The following CCBE1 variants were observed in gnomAD, a reference collection of about 807,000 sequenced individuals.
The protein encoded by CCBE1 is collagen and calcium-binding EGF domain-containing protein 1.
A neutral mutation model predicts 50.0 loss-of-function variants in CCBE1; 37 were observed. The observed-to-expected ratio is 0.74, with a 90% CI of 0.57 to 0.97. The LOEUF (loss-of-function observed/expected upper bound fraction) is 0.97, where lower values mean the gene tolerates loss of function less well. Among genes scored for constraint, CCBE1 ranks in the 50% least tolerant of loss-of-function variants. CCBE1 has a pLI of 0.00. For synonymous variants in CCBE1, 234 were observed against 203.7 expected (o/e 1.15, Z -1.27); for missense variants, 538 against 523.8 (o/e 1.03, Z -0.26).
rs1910112133 is a variant in CCBE1, at chr18:59,435,572, C to G, written c.*336G>C. ...CCTTTTGATACTCTGCCAAATTTAA[C>G]TTCAAGAATTTATGATTTAAGACAC... On this transcript the variant is annotated 3_prime_UTR_variant, in exon 11 of 11. Transcript: ENST00000439986. 2.9e-6 allele frequency: 1 copy of G among 339,474 alleles called. No homozygotes were observed. Among genetic ancestry groups the G allele is most frequent in the African/African-American group, 2.1e-5 (1 of 47,558 alleles). The allele number at this position is 339,474 out of a possible 1,614,324, so 21.0% of individuals were successfully genotyped here.
intron 2 of CCBE1, among the ~76,000 whole-genome samples, chr18:59,543,179 C>T (rs541229354): frequency 6.6e-6 from 1 of 152,236 alleles, no homozygotes; most frequent in East Asian, 1.9e-4. Context: ...GGGCCCCACC[C>T]TTGACTCCCA....
chr18:59,642,948 CAAAAAAAAAAAA>C (rs10683687), intron 2 of CCBE1, among the ~76,000 whole-genome samples: 1 of 94,200 alleles, frequency 1.1e-5, no homozygotes, highest in Non-Finnish European at 2.1e-5. Context: ...GACTCCACCT[CAAAAAAAAAAAA>C]AAAAAAAAAA....
chr18:59,498,880 G>A (rs1465509976), intron 2 of CCBE1, among the ~76,000 whole-genome samples: 1 of 152,192 alleles, frequency 6.6e-6, no homozygotes, highest in Non-Finnish European at 1.5e-5. Context: ...ACCTCCCTCA[G>A]ATCTTTGAAA....
At chr18:59,525,355 G>A (rs938125449) in intron 2 of CCBE1, among the ~76,000 whole-genome samples, 2 of 152,160 alleles carry the variant, frequency 1.3e-5, no homozygotes, top group Non-Finnish European at 2.9e-5. Context: ...TCATATACTT[G>A]TTGGCCACAT....
chr18:59,464,017 C>A (rs918779011), intron 5 of CCBE1: 2 of 152,194 alleles, frequency 1.3e-5, no homozygotes, highest in Non-Finnish European at 2.9e-5. Context: ...AATAGCTGCA[C>A]CCTGTTTTTC....
chr18:59,525,986 T>C (rs1914803431), intron 2 of CCBE1, among the ~76,000 whole-genome samples: 2 of 152,224 alleles, frequency 1.3e-5, no homozygotes, highest in South Asian at 2.1e-4. Context: ...TTTTGGTTAA[T>C]GTAGCCTTGT....
rs188057916 is a variant in CCBE1, at chr18:59,645,555, C to T, written c.212+51074G>A. 4.1e-3 allele frequency among the ~76,000 whole-genome samples: 631 copies of T among 152,318 alleles called. 2 individuals carry two copies. Among genetic ancestry groups the T allele is most frequent in the Non-Finnish European group, 7.0e-3 (478 of 68,032 alleles). On this transcript the variant is annotated intron_variant, in intron 2 of 10. Transcript: ENST00000439986. ...CCATCAAGGTCTCTCTACTCTCAGC[C>T]ATGAAAAGAGAAACCTACATTAAGA...
At chr18:59,694,780 C>T (rs1476576705) in intron 2 of CCBE1, among the ~76,000 whole-genome samples, 2 of 152,186 alleles carry the variant, frequency 1.3e-5, no homozygotes, top group Non-Finnish European at 2.9e-5. Context: ...ACAGAGAACT[C>T]TCGACTTCCA....
intron 2 of CCBE1, among the ~76,000 whole-genome samples, chr18:59,501,946 G>C (rs959228563): frequency 6.6e-6 from 1 of 152,128 alleles, no homozygotes; most frequent in African/African-American, 2.4e-5. Context: ...CTACAGGCGT[G>C]CACCATCACG....
intron 2 of CCBE1, among the ~76,000 whole-genome samples, chr18:59,567,789 A>T (rs2052851778): frequency 6.6e-6 from 1 of 152,208 alleles, no homozygotes; most frequent in Non-Finnish European, 1.5e-5. Context: ...TGACAGGGAA[A>T]AAGATGATCG....
chr18:59,498,506 A>G (rs750602794), intron 2 of CCBE1, among the ~76,000 whole-genome samples: 4 of 152,216 alleles, frequency 2.6e-5, no homozygotes, highest in Non-Finnish European at 5.9e-5. Context: ...CTGAATTTCT[A>G]TGCATTTTAT....
chr18:59,541,254 T>G (rs1215945987), intron 2 of CCBE1, among the ~76,000 whole-genome samples: 1 of 152,230 alleles, frequency 6.6e-6, no homozygotes, highest in East Asian at 1.9e-4. Context: ...TTCTATTCAG[T>G]ACTCTAAGTC....
At chr18:59,614,533 T>G (rs931774256) in intron 2 of CCBE1, among the ~76,000 whole-genome samples, 1 of 152,210 alleles carries the variant, frequency 6.6e-6, no homozygotes, top group Admixed American at 6.5e-5. Flanking sequence ...TTTTGCACAC[T>G]GACCAGGATC....
intron 2 of CCBE1, among the ~76,000 whole-genome samples, chr18:59,675,690 T>G (rs2054491898): frequency 6.6e-6 from 1 of 152,122 alleles, no homozygotes; most frequent in African/African-American, 2.4e-5. Flanking sequence ...GCAGAGAAGG[T>G]TGGCCCAGAG....
chr18:59,613,212 A>G (rs1166568799), intron 2 of CCBE1, among the ~76,000 whole-genome samples: 1 of 152,102 alleles, frequency 6.6e-6, no homozygotes, highest in Non-Finnish European at 1.5e-5. Context: ...GAGGATAACT[A>G]CGCAACTACA....
At chr18:59,648,103 C>T (rs1485222480) in intron 2 of CCBE1, among the ~76,000 whole-genome samples, 2 of 152,186 alleles carry the variant, frequency 1.3e-5, no homozygotes, top group African/African-American at 4.8e-5. Flanking sequence ...TCCAGGTTGC[C>T]CTGTGTCAGG....
At chr18:59,559,662 C>T (rs188984428) in intron 2 of CCBE1, among the ~76,000 whole-genome samples, 17 of 152,322 alleles carry the variant, frequency 1.1e-4, no homozygotes, top group African/African-American at 2.4e-4. Flanking sequence ...CCAAAGACCA[C>T]GTGTGGACTT....
intron 2 of CCBE1, among the ~76,000 whole-genome samples, chr18:59,559,682 C>T (rs971740836): frequency 6.6e-6 from 1 of 152,208 alleles, no homozygotes; most frequent in Non-Finnish European, 1.5e-5. Context: ...TGGGAATCTA[C>T]TGGTCCCTGA....
At chr18:59,592,279 T>C (rs574622720) in intron 2 of CCBE1, among the ~76,000 whole-genome samples, 3 of 152,296 alleles carry the variant, frequency 2.0e-5, no homozygotes, top group East Asian at 3.9e-4. Context: ...GTGTATAAGG[T>C]ATATATTAAA....
Sources: gnomAD v4.1 joint callset for allele counts (sites outside exome capture counted in the v4.1 genomes callset) on GRCh38, gnomAD v4.1.1 for gene constraint, MANE v1.5 for transcripts, NCBI Gene and HGNC (gene_info 2026-07-23, HGNC 2026-07-21) for gene names.